The following PARP14 variants were observed in gnomAD, a reference collection of about 807,000 sequenced individuals.
The protein encoded by PARP14 is protein mono-ADP-ribosyltransferase PARP14.
In PARP14, 59 loss-of-function variants were observed where a neutral mutation model predicts 154.2. The ratio of observed to expected loss-of-function variants is 0.38; its 90% CI spans 0.31 to 0.48. The LOEUF (loss-of-function observed/expected upper bound fraction) is 0.48. Among genes scored for constraint, PARP14 ranks in the 20% least tolerant of loss-of-function variants. PARP14 has a pLI of 0.98. For synonymous variants in PARP14, 720 were observed against 780.5 expected, an observed-to-expected ratio of 0.92 and a Z score of 1.29; for missense variants, 1,734 against 2,131.6, an observed-to-expected ratio of 0.81 and a Z score of 3.67.
At chr3:122,712,240 CTTT>C (rs55876947) in intron 9 of PARP14, among the ~76,000 whole-genome samples, 106 of 138,366 alleles carry the variant, frequency 7.7e-4, no homozygotes, top group Admixed American at 1.4e-3. Flanking sequence ...GGATTCACAT[CTTT>C]TTTTTTTTTT....
At chr3:122,709,720 A>T (rs556014894) in intron 9 of PARP14, among the ~76,000 whole-genome samples, 1 of 152,214 alleles carries the variant, frequency 6.6e-6, no homozygotes, top group East Asian at 1.9e-4. Flanking sequence ...TCTTGACTTA[A>T]GTTATGGCCA....
chr3:122,694,689 T>G (rs1271033), intron 4 of PARP14, among the ~76,000 whole-genome samples: 79,645 of 151,938 alleles, frequency 0.52, 21,905 homozygotes, highest in African/African-American at 0.69. Flanking sequence ...CTGGCTAATT[T>G]TCGTATTTTT....
At position 122,681,073 on chromosome 3, in the gene PARP14, G is replaced by A. The variant is rs1283653565; in HGVS notation, c.187+3G>A. 6.2e-7 allele frequency: 1 copy of A among 1,609,044 alleles called. No homozygotes were observed. The highest frequency in any genetic ancestry group is 8.5e-7 in the Non-Finnish European group (1 of 1,175,660). ...GGTGTTCTTCTACCCGGAGGACGGT[G>A]AGGGGCGCGAGGGGTGGGGTGAGGA... On this transcript the variant is annotated splice_donor_region_variant and intron_variant, in intron 1 of 16. Transcript: ENST00000474629. The surrounding 1 kb of genome is among the most constrained non-coding windows in gnomAD (Gnocchi z 5.5).
In PARP14 at chr3:122,718,871, C is replaced by T; in HGVS notation, c.4720C>T (p.Arg1574Trp). The T allele has an allele frequency of 8.1e-6, 13 of 1,613,814 alleles. No individual in the cohort carries two copies. Among genetic ancestry groups the T allele is most frequent in the Non-Finnish European group, 1.1e-5 (13 of 1,179,782 alleles). Residue 1574 changes from arginine (R) to tryptophan (W), a missense_variant, in exon 14 of 17, where the codon CGG becomes TGG. Coordinates refer to ENST00000474629, the MANE Select transcript of PARP14 (RefSeq NM_017554.3). ...KKTVDVKINH[R>W]HYTVNLNTYT... ...AACAGTTGATGTCAAAATTAATCAT[C>T]GGCACTACACAGTGAACTTGAACAC...
intron 5 of PARP14, among the ~76,000 whole-genome samples, chr3:122,696,919 T>C (rs1938796455): frequency 6.6e-6 from 1 of 152,134 alleles, no homozygotes; most frequent in Non-Finnish European, 1.5e-5. Context: ...GACTTTCTTT[T>C]ATGTTCTCTA....
Position 122,700,287 on chromosome 3 carries a change from C to G in PARP14, c.1733C>G (p.Thr578Ser), listed in dbSNP as rs752437133. The G allele has an allele frequency of 3.7e-6, 6 of 1,613,202 alleles. No homozygotes were observed. Among genetic ancestry groups the G allele is most frequent in the Non-Finnish European group, 5.1e-6 (6 of 1,179,466 alleles). Residue 578 changes from threonine (T) to serine (S), a missense_variant, in exon 6 of 17, where the codon ACC becomes AGC. Thr to Ser is a moderately conservative substitution (Grantham distance 58). Transcript: ENST00000474629. ...CTAGAGGGTACAACTGTTCTCTTAA[C>G]CAGCTGTTCTTCTGAAGCCCTGTTA... ...YELEGTTVLL[T>S]SCSSEALLEA...
intron 3 of PARP14, among the ~76,000 whole-genome samples, chr3:122,690,598 G>A (rs184391240): frequency 9.2e-5 from 14 of 152,162 alleles, no homozygotes; most frequent in South Asian, 2.1e-4. Context: ...TGCAACCTCC[G>A]CCTCCCAGCT....
At chr3:122,703,004 A>C (rs144990369) in intron 6 of PARP14, among the ~76,000 whole-genome samples, 14,595 of 131,884 alleles carry the variant, frequency 0.11, 968 homozygotes, top group South Asian at 0.19. Context: ...AAAAAAAAAA[A>C]AAAAAACAAA....
At chr3:122,699,365 A>C (rs1027660916) in intron 5 of PARP14, 25 bp from the exon 6 acceptor site, 24 of 1,463,824 alleles carry the variant, frequency 1.6e-5, no homozygotes, top group Non-Finnish European at 2.1e-5. Flanking sequence ...CTGGGCTTAC[A>C]TTATTTTACT....
rs932924649 is a variant in PARP14, at chr3:122,680,850, G to T, written c.-34G>T. On this transcript the variant is annotated 5_prime_UTR_variant, in exon 1 of 17. Coordinates refer to ENST00000474629, the MANE Select transcript of PARP14 (RefSeq NM_017554.3). The stretch of plus-strand genomic sequence containing the variant: ...AAAGTTAGCGGCCCGGAGTTGGCGC[G>T]GCCCCTGCAGTCCGGCGGAGAGCGG... 6 of 1,533,406 alleles carry T rather than the reference G, an allele frequency of 3.9e-6. No homozygotes were observed. The highest frequency in any genetic ancestry group is 5.3e-6 in the Non-Finnish European group (6 of 1,126,956). The allele number at this position is 1,533,406 out of a possible 1,614,324, so 95.0% of individuals were successfully genotyped here.
intron 3 of PARP14, among the ~76,000 whole-genome samples, chr3:122,689,223 C>T (rs1324332430): frequency 1.3e-5 from 2 of 152,206 alleles, no homozygotes; most frequent in Non-Finnish European, 2.9e-5. Flanking sequence ...TTTCTGGCTT[C>T]CTCATTTCTC....
chr3:122,699,346 T>C, intron 5 of PARP14, 44 bp from the exon 6 acceptor site: 1 of 1,212,224 alleles, frequency 8.2e-7, no homozygotes, highest in Non-Finnish European at 1.2e-6. Flanking sequence ...TTATTTGCCA[T>C]ATATCATCCT....
At chr3:122,713,647 G>A in intron 10 of PARP14, 74 bp downstream of exon 10, 2 of 1,373,382 alleles carry the variant, frequency 1.5e-6, no homozygotes, top group South Asian at 1.3e-5. Context: ...AGCCAAACTG[G>A]TTTTTAGAAC....
At chr3:122,707,873 C>G (rs967381996) in intron 8 of PARP14, among the ~76,000 whole-genome samples, 1 of 152,198 alleles carries the variant, frequency 6.6e-6, no homozygotes, top group South Asian at 2.1e-4. Flanking sequence ...CACATGGATA[C>G]AGCAACATTT....
Position 122,720,358 on chromosome 3 carries a change from T to C in PARP14, c.4911T>C (p.Asn1637=). 6.2e-7 allele frequency: 1 copy of C among 1,613,138 alleles called. No homozygotes were observed. Among genetic ancestry groups the C allele is most frequent in the East Asian group, 2.2e-5 (1 of 44,882 alleles). Residue 1637 remains asparagine (N), a synonymous_variant, in exon 15 of 17, where the codon AAT becomes AAC. Transcript: ENST00000474629. ...ACAACACGGTGGCAAGCAAGTTTAA[T>C]CAGACCTGCTCACACTTCAGAATAG... is the stretch of plus-strand genomic sequence containing the variant. ...PEYNTVASKF[N]QTCSHFRIEK...
rs1938956884 is a variant in PARP14 at position 122,701,124 on chromosome 3, G to A, written c.2570G>A (p.Gly857Asp). The A allele has an allele frequency of 1.2e-6, 2 of 1,613,794 alleles. No individual in the cohort carries two copies. Among genetic ancestry groups the A allele is most frequent in the Non-Finnish European group, 1.7e-6 (2 of 1,179,892 alleles). ...TGTGACCAGATAGTGAAGAGAGAGG[G>A]CAGACTCCTACCGGGCAATGCCACC... ...ADCDQIVKRE[G>D]RLLPGNATIS... Residue 857 changes from glycine to aspartate, a missense_variant, in exon 6 of 17, where the codon GGC (glycine) becomes GAC (aspartate). Around this residue, in one of 2 missense-constraint regions of PARP14, gnomAD observed 1,646 missense variants for 1,976.0 expected, o/e 0.83. Transcript: ENST00000474629. The surrounding 1 kb of genome is among the most constrained non-coding windows in gnomAD (Gnocchi z 4.0).
At chr3:122,703,341 G>C (rs1939048285) in intron 6 of PARP14, among the ~76,000 whole-genome samples, 1 of 152,108 alleles carries the variant, frequency 6.6e-6, no homozygotes, top group Non-Finnish European at 1.5e-5. Flanking sequence ...CCATTTTGCT[G>C]CAGAAGCTCT....
chr3:122,703,754 G>GTTT lies in PARP14; in HGVS notation c.3095_3096insTTT (p.Val1032_Asn1033insPhe). ...TTTTGTCTTTAAGACCGATGTTGTTGTCAACTCCGTTCCCTTGGATCTCGT... is the reference window on the plus strand; with the variant it reads ...TTTTGTCTTTAAGACCGATGTTGTTGTTTTCAACTCCGTTCCCTTGGATCTCGT... On this transcript the variant is annotated inframe_insertion, in exon 7 of 17. Coordinates refer to ENST00000474629, the MANE Select transcript of PARP14 (RefSeq NM_017554.3). 1 of 1,593,166 alleles carries GTTT rather than the reference G, an allele frequency of 6.3e-7. No homozygotes were observed. Among genetic ancestry groups the GTTT allele is most frequent in the Non-Finnish European group, 8.5e-7 (1 of 1,170,024 alleles).
chr3:122,693,103 T>A (rs1214155960), intron 4 of PARP14, among the ~76,000 whole-genome samples: 1 of 152,198 alleles, frequency 6.6e-6, no homozygotes, highest in East Asian at 1.9e-4. Flanking sequence ...AAGGTGCGAA[T>A]GCATGGATGA....
Sources: allele counts gnomAD v4.1 joint callset (sites outside exome capture counted in the v4.1 genomes callset), GRCh38; gene constraint gnomAD v4.1.1; regional missense constraint gnomAD v4.1.1; non-coding constraint Gnocchi (gnomAD v3.1); transcripts MANE v1.5; gene names NCBI Gene and HGNC (gene_info 2026-07-23, HGNC 2026-07-21).